The following MMP16 variants were observed in gnomAD, a reference collection of about 807,000 sequenced individuals.
MMP16 encodes the protein matrix metalloproteinase-16.
A neutral mutation model predicts 67.8 loss-of-function variants in MMP16; 12 were observed. That is an observed-to-expected ratio of 0.18 (90% CI 0.11 to 0.29). The LOEUF (loss-of-function observed/expected upper bound fraction) is 0.29, where lower values mean the gene tolerates loss of function less well. Among genes scored for constraint, MMP16 ranks in the 10% least tolerant of loss-of-function variants. MMP16 has a pLI of 1.00. For missense variants in MMP16, 475 were observed against 765.7 expected (o/e 0.62, Z 4.48); for synonymous variants, 249 against 255.9 (o/e 0.97, Z 0.26).
At chr8:88,042,185 C>T (rs771448816) in intron 9 of MMP16, among the ~76,000 whole-genome samples, 9 of 152,176 alleles carry the variant, frequency 5.9e-5, no homozygotes, top group Non-Finnish European at 1.3e-4. Context: ...GATGCTGAAA[C>T]AGCCTTATAA....
At chr8:88,109,152 T>C (rs1196531493) in intron 6 of MMP16, among the ~76,000 whole-genome samples, 1 of 151,386 alleles carries the variant, frequency 6.6e-6, no homozygotes, top group Non-Finnish European at 1.5e-5. Flanking sequence ...TCTAGTTAAG[T>C]GTAATCCAAT....
At chr8:88,166,739 T>G (rs1808720717) in intron 4 of MMP16, among the ~76,000 whole-genome samples, 1 of 136,764 alleles carries the variant, frequency 7.3e-6, no homozygotes, top group African/African-American at 2.6e-5. Context: ...ATTCTTAATT[T>G]TAATTTTTTT....
At chr8:88,139,897 T>C (rs1247579889) in intron 4 of MMP16, among the ~76,000 whole-genome samples, 1 of 152,198 alleles carries the variant, frequency 6.6e-6, no homozygotes, top group Non-Finnish European at 1.5e-5. Flanking sequence ...GGTAATTTCC[T>C]AGAAAATAAC....
chr8:88,064,696 CAAGT>C (rs1021140324), intron 7 of MMP16, among the ~76,000 whole-genome samples: 2 of 152,026 alleles, frequency 1.3e-5, no homozygotes, highest in African/African-American at 4.8e-5. Flanking sequence ...CAATAATAAA[CAAGT>C]AACACTAATC....
At chr8:88,249,383 C>T (rs543840206) in intron 1 of MMP16, among the ~76,000 whole-genome samples, 1 of 151,978 alleles carries the variant, frequency 6.6e-6, no homozygotes, top group Non-Finnish European at 1.5e-5. Context: ...TCAGCAGAGG[C>T]CTCATAAATG....
At chr8:88,137,718 T>C (rs564992905) in intron 4 of MMP16, among the ~76,000 whole-genome samples, 24 of 151,994 alleles carry the variant, frequency 1.6e-4, no homozygotes, top group South Asian at 4.1e-4. Context: ...CTTAATTTCA[T>C]AGGTGTTAGA....
intron 1 of MMP16, among the ~76,000 whole-genome samples, chr8:88,312,104 C>A (rs139743466): frequency 1.8e-4 from 27 of 152,196 alleles, no homozygotes; most frequent in Admixed American, 4.6e-4. Context: ...ATCAGAACAT[C>A]TGTCATTGTA....
At chr8:88,116,766 G>C (rs372008224) in intron 5 of MMP16, 48 bp from the exon 6 acceptor site, 10 of 1,523,548 alleles carry the variant, frequency 6.6e-6, no homozygotes, top group Non-Finnish European at 9.1e-6. Flanking sequence ...AACTGGAATA[G>C]AGCTGGAAAA....
chr8:88,264,001 T>G (rs1810432437), intron 1 of MMP16, among the ~76,000 whole-genome samples: 1 of 147,456 alleles, frequency 6.8e-6, no homozygotes, highest in Admixed American at 6.7e-5. Context: ...TGTGTGTGTG[T>G]GTGTGTGTGC....
chr8:88,103,973 C>T (rs1166379664), intron 6 of MMP16, among the ~76,000 whole-genome samples: 2 of 151,724 alleles, frequency 1.3e-5, no homozygotes, highest in South Asian at 2.1e-4. Context: ...TGAAACTTGT[C>T]ATCATAATAT....
chr8:88,256,276 A>G (rs1007931673), intron 1 of MMP16, among the ~76,000 whole-genome samples: 2 of 152,060 alleles, frequency 1.3e-5, no homozygotes, highest in African/African-American at 4.8e-5. Context: ...AATTTTATTA[A>G]TTTACGATTA....
chr8:88,251,803 A>AGAG (rs1380184318), intron 1 of MMP16, among the ~76,000 whole-genome samples: 1 of 81,462 alleles, frequency 1.2e-5, no homozygotes, highest in Non-Finnish European at 2.7e-5. Flanking sequence ...ACAAGAAAAA[A>AGAG]ACAAACAACC....
At chr8:88,238,799 A>G (rs182501948) in intron 1 of MMP16, among the ~76,000 whole-genome samples, 6 of 152,148 alleles carry the variant, frequency 3.9e-5, no homozygotes, top group African/African-American at 4.8e-5. Flanking sequence ...TAAGTTCATA[A>G]TAGCCAATGA....
At chr8:88,291,954 G>A (rs1292972817) in intron 1 of MMP16, among the ~76,000 whole-genome samples, 1 of 152,090 alleles carries the variant, frequency 6.6e-6, no homozygotes, top group Non-Finnish European at 1.5e-5. Flanking sequence ...ATTTACACAT[G>A]AGAACACTGA....
intron 7 of MMP16, among the ~76,000 whole-genome samples, chr8:88,060,536 A>G (rs994416683): frequency 2.0e-5 from 3 of 152,146 alleles, no homozygotes; most frequent in African/African-American, 7.2e-5. Flanking sequence ...TATCTCATCT[A>G]CATTCCACTT....
chr8:88,061,335 G>A (rs1808397956), intron 7 of MMP16, among the ~76,000 whole-genome samples: 2 of 151,940 alleles, frequency 1.3e-5, no homozygotes, highest in South Asian at 4.2e-4. Context: ...CTCTTCTGTT[G>A]GCCTATACCT....
intron 6 of MMP16, among the ~76,000 whole-genome samples, chr8:88,100,083 T>A (rs531397848): frequency 6.6e-6 from 1 of 152,114 alleles, no homozygotes; most frequent in South Asian, 2.1e-4. Context: ...GCAGAAGCTC[T>A]TTAGTTTAAT....
At chr8:88,132,223 C>T (rs144527711) in intron 4 of MMP16, among the ~76,000 whole-genome samples, 30 of 151,520 alleles carry the variant, frequency 2.0e-4, no homozygotes, top group African/African-American at 6.8e-4. Context: ...GAATAAATTT[C>T]AATACTTGAA....
chr8:88,107,298 A>C (rs958429859), intron 6 of MMP16, among the ~76,000 whole-genome samples: 10 of 151,146 alleles, frequency 6.6e-5, no homozygotes, highest in Non-Finnish European at 1.2e-4. Context: ...TTTTAATTTT[A>C]TCAAGTCTTC....
Sources: gnomAD v4.1 joint callset for allele counts (sites outside exome capture counted in the v4.1 genomes callset) on GRCh38, gnomAD v4.1.1 for gene constraint, MANE v1.5 for transcripts, NCBI Gene and HGNC (gene_info 2026-07-23, HGNC 2026-07-21) for gene names.